Variants in TMEM178B observed in about 807,000 individuals in gnomAD.
TMEM178B encodes the protein transmembrane protein 178B.
Under a neutral mutation model 31.0 loss-of-function variants are expected in TMEM178B, and 5 were observed. The ratio of observed to expected loss-of-function variants is 0.16; its 90% CI spans 0.08 to 0.34. The LOEUF (loss-of-function observed/expected upper bound fraction) is 0.34. TMEM178B is among the 10% of genes least tolerant of loss of function. The probability of loss-of-function intolerance (pLI) is 1.00; values close to 1 mark genes in which losing one functional copy is unlikely to be tolerated. For missense variants in TMEM178B, 275 were observed against 400.3 expected (o/e 0.69, Z 2.67); for synonymous variants, 164 against 164.0 (o/e 1.00, Z 0.00).
At chr7:141,141,226 CTTG>C (rs1795763022) in intron 1 of TMEM178B, among the ~76,000 whole-genome samples, 1 of 152,144 alleles carries the variant, frequency 6.6e-6, no homozygotes, top group African/African-American at 2.4e-5. Flanking sequence ...TTGTTCCAAC[CTTG>C]GCCTTTGGTA....
chr7:141,436,855 G>A (rs573215220), intron 2 of TMEM178B, among the ~76,000 whole-genome samples: 110 of 152,286 alleles, frequency 7.2e-4, no homozygotes, highest in African/African-American at 2.0e-3. Context: ...TTAGCCAGGC[G>A]TGGAACAGAG....
At chr7:141,462,815 G>C (rs1039806888) in intron 3 of TMEM178B, among the ~76,000 whole-genome samples, 1 of 151,924 alleles carries the variant, frequency 6.6e-6, no homozygotes, top group Non-Finnish European at 1.5e-5. Flanking sequence ...GGGAGCAGCA[G>C]GTCCAGAGCA....
chr7:141,151,843 G>C (rs564530151), intron 1 of TMEM178B, among the ~76,000 whole-genome samples: 11 of 152,292 alleles, frequency 7.2e-5, no homozygotes, highest in Admixed American at 2.0e-4. Flanking sequence ...AGCTACAGGG[G>C]GGGTGCCCCT....
At chr7:141,123,898 G>A (rs552672532) in intron 1 of TMEM178B, among the ~76,000 whole-genome samples, 14 of 152,174 alleles carry the variant, frequency 9.2e-5, no homozygotes, top group African/African-American at 2.6e-4. Flanking sequence ...GACCACAGGC[G>A]CACAACACCA....
At chr7:141,399,979 TACAA>T (rs2116617613) in intron 2 of TMEM178B, among the ~76,000 whole-genome samples, 2 of 152,318 alleles carry the variant, frequency 1.3e-5, no homozygotes, top group South Asian at 4.1e-4. Context: ...TCAGGAACTT[TACAA>T]ACAATCAGTC....
At chr7:141,105,289 C>T (rs1257840333) in intron 1 of TMEM178B, among the ~76,000 whole-genome samples, 1 of 152,154 alleles carries the variant, frequency 6.6e-6, no homozygotes, top group African/African-American at 2.4e-5. Context: ...GGGCGGATCA[C>T]TTGAGGTCAG....
intron 2 of TMEM178B, among the ~76,000 whole-genome samples, chr7:141,265,754 T>G (rs1049810931): frequency 5.3e-5 from 8 of 152,186 alleles, no homozygotes; most frequent in Admixed American, 1.3e-4. Flanking sequence ...CCCAAGTACT[T>G]TCAAAATAAC....
chr7:141,429,308 T>TACACACACACACACACACACAC (rs3039921), intron 2 of TMEM178B, among the ~76,000 whole-genome samples: 2 of 149,630 alleles, frequency 1.3e-5, no homozygotes, highest in Non-Finnish European at 3.0e-5. Flanking sequence ...GAAAATGTAA[T>TACACACACACACACACACACAC]ACACACACAC....
At chr7:141,246,454 A>G (rs6464436) in intron 2 of TMEM178B, among the ~76,000 whole-genome samples, 73,716 of 152,052 alleles carry the variant, frequency 0.48, 18,295 homozygotes, top group East Asian at 0.8. Flanking sequence ...GGGTTGTAAC[A>G]TAGGTAGAGA....
intron 2 of TMEM178B, among the ~76,000 whole-genome samples, chr7:141,233,856 TCAAA>T (rs1245940666): frequency 3.3e-5 from 5 of 152,216 alleles, no homozygotes; most frequent in Admixed American, 3.3e-4. Flanking sequence ...GGCAGAATTG[TCAAA>T]CAGTGATCCC....
intron 2 of TMEM178B, among the ~76,000 whole-genome samples, chr7:141,293,546 T>C (rs560917958): frequency 6.6e-6 from 1 of 151,458 alleles, no homozygotes; most frequent in African/African-American, 2.4e-5. Context: ...TGGCTAAGAG[T>C]GGGATGCAGG....
intron 2 of TMEM178B, among the ~76,000 whole-genome samples, chr7:141,264,375 G>C (rs879488974): frequency 6.6e-6 from 1 of 152,230 alleles, no homozygotes; most frequent in Non-Finnish European, 1.5e-5. Context: ...TTGTTTGCCT[G>C]TATCTTCTTT....
chr7:141,157,461 C>T (rs1249649823), intron 1 of TMEM178B, among the ~76,000 whole-genome samples: 2 of 151,890 alleles, frequency 1.3e-5, no homozygotes, highest in East Asian at 3.9e-4. Flanking sequence ...ACACGCACAC[C>T]AGCCAACCAA....
rs573567209 is a variant in TMEM178B, at chr7:141,304,285, G to A, written c.496+91581G>A. On this transcript the variant is annotated intron_variant, in intron 2 of 3. Transcript: ENST00000565468. Reference sequence around the variant, plus strand: ...AAAGATGGAGGTAGAGGAGAATGTAGGGGTGGATGCTTGGGGAAGGGGGTG... The same window carrying A: ...AAAGATGGAGGTAGAGGAGAATGTAAGGGTGGATGCTTGGGGAAGGGGGTG... Among the ~76,000 whole-genome samples, 3 of 152,282 alleles carry A rather than the reference G, an allele frequency of 2.0e-5. No homozygotes were observed. The South Asian group carries it at 6.2e-4, about 32-fold the overall frequency.
At chr7:141,108,899 T>TA (rs1196980219) in intron 1 of TMEM178B, among the ~76,000 whole-genome samples, 4 of 152,168 alleles carry the variant, frequency 2.6e-5, no homozygotes, top group African/African-American at 9.7e-5. Context: ...TTAATGGACT[T>TA]AAAGTTCCAC....
At chr7:141,205,950 C>G (rs1450056768) in intron 1 of TMEM178B, among the ~76,000 whole-genome samples, 1 of 152,226 alleles carries the variant, frequency 6.6e-6, no homozygotes, top group African/African-American at 2.4e-5. Flanking sequence ...TACATCAGAG[C>G]TCTTGCTCCA....
intron 2 of TMEM178B, among the ~76,000 whole-genome samples, chr7:141,326,036 A>C (rs1266374877): frequency 6.6e-6 from 1 of 152,228 alleles, no homozygotes; most frequent in Non-Finnish European, 1.5e-5. Context: ...AGAATTCCTG[A>C]AGTACAGTTG....
chr7:141,498,181 T>C, the TMEM178B span, among the ~76,000 whole-genome samples: 8 of 152,236 alleles, frequency 5.3e-5, no homozygotes, highest in Non-Finnish European at 1.0e-4. Flanking sequence ...TTTATTAATC[T>C]CATTATGTTT....
chr7:141,077,104 T>C (rs1794611223), intron 1 of TMEM178B, among the ~76,000 whole-genome samples: 1 of 152,220 alleles, frequency 6.6e-6, no homozygotes, highest in Non-Finnish European at 1.5e-5. Flanking sequence ...GAACACAATT[T>C]TTACACTTAG....
Sources: gnomAD v4.1 joint callset for allele counts (sites outside exome capture counted in the v4.1 genomes callset) on GRCh38, gnomAD v4.1.1 for gene constraint, MANE v1.5 for transcripts, NCBI Gene and HGNC (gene_info 2026-07-23, HGNC 2026-07-21) for gene names.